The following TMX2 variants were observed in gnomAD, a reference collection of about 807,000 sequenced individuals.
The protein encoded by TMX2 is thioredoxin-related transmembrane protein 2.
A neutral mutation model predicts 33.4 loss-of-function variants in TMX2; 20 were observed. The ratio of observed to expected loss-of-function variants is 0.60; its 90% confidence interval spans 0.42 to 0.87. The LOEUF (loss-of-function observed/expected upper bound fraction) is 0.87. Among genes scored for constraint, TMX2 ranks in the 40% least tolerant of loss-of-function variants. The pLI, the probability that TMX2 is intolerant of heterozygous loss-of-function variation, is 0.00. For synonymous variants in TMX2, 166 were observed against 140.7 expected (o/e 1.18, Z -1.27); for missense variants, 340 against 370.7 (o/e 0.92, Z 0.68).
At chr11:57,720,186 G>C (rs940125524) in intron 1 of TMX2, among the ~76,000 whole-genome samples, 2 of 148,832 alleles carry the variant, frequency 1.3e-5, no homozygotes, top group Non-Finnish European at 3.0e-5. Context: ...GGGGCCTCTC[G>C]TTTTCCTTAT....
rs1461428986 is a variant in TMX2, at chr11:57,716,816, C to T, written c.189+4009C>T. On this transcript the variant is annotated intron_variant, in intron 1 of 7. Transcript: ENST00000278422. ...GCAGAGGCGCCCCTCACCTCCCGGA[C>T]GGGGCGGCTGGCCGGGCGGGGGGCT... Among the ~76,000 whole-genome samples, 9 of 146,308 alleles carry T rather than the reference C, an allele frequency of 6.2e-5. No homozygotes were observed. The South Asian group carries it at 8.7e-4, about 14-fold the overall frequency.
intron 1 of TMX2, among the ~76,000 whole-genome samples, chr11:57,716,436 G>A (rs1167214109): frequency 3.1e-5 from 4 of 131,142 alleles, no homozygotes; most frequent in Non-Finnish European, 5.0e-5. Flanking sequence ...CTGGCCGGGC[G>A]GGGGGCTGAC....
rs574523850 is a variant in TMX2 at position 57,740,414 on chromosome 11, A to C, written c.*169A>C. The C allele has an allele frequency of 1.3e-6, 1 of 764,818 alleles. No individual in the cohort carries two copies. Among genetic ancestry groups the C allele is most frequent in the South Asian group, 2.1e-5 (1 of 46,946 alleles). The allele number at this position is 764,818 out of a possible 1,614,324, so 47.4% of individuals were successfully genotyped here. A position where few individuals can be genotyped will look rare whatever the true frequency, so the allele number is the denominator to read the frequency against. On this transcript the variant is annotated 3_prime_UTR_variant, in exon 8 of 8. Coordinates refer to ENST00000278422, the MANE Select transcript of TMX2 (RefSeq NM_015959.4). ...CATCTAGGGAATTGTCAGGCACCCT[A>C]CAGGAAGGCCTGCCATGCTGTGGCC... is the stretch of plus-strand genomic sequence containing the variant.
intron 1 of TMX2, among the ~76,000 whole-genome samples, chr11:57,716,171 G>GC (rs1007074966): frequency 2.5e-4 from 38 of 151,764 alleles, no homozygotes; most frequent in African/African-American, 8.5e-4. Context: ...GGGCAGAGGC[G>GC]CCCCTCACCT....
rs563947577 is a variant in TMX2 at position 57,727,038 on chromosome 11, T to C, written c.190-10570T>C. ...TGAGTGCCCAAATCTTCACTGTCTT[T>C]ATGATATTTGTTATTATATTAGCAT... is the stretch of plus-strand genomic sequence containing the variant. On this transcript the variant is annotated intron_variant, in intron 1 of 7. Coordinates refer to ENST00000278422, the MANE Select transcript of TMX2 (RefSeq NM_015959.4). Among the ~76,000 whole-genome samples, 9 of 152,338 alleles carry C rather than the reference T, an allele frequency of 5.9e-5. No homozygotes were observed. In the East Asian group the frequency reaches 1.7e-3, roughly 29 times the overall value.
At chr11:57,735,049 G>A (rs1042016753) in intron 1 of TMX2, among the ~76,000 whole-genome samples, 41 of 151,744 alleles carry the variant, frequency 2.7e-4, no homozygotes, top group African/African-American at 9.7e-4. Context: ...AGAATCGGTT[G>A]AACCTGGGAG....
At chr11:57,712,836 G>T (rs1479035611) in intron 1 of TMX2, 29 bp downstream of exon 1, 2 of 1,612,712 alleles carry the variant, frequency 1.2e-6, no homozygotes, top group African/African-American at 2.7e-5. Context: ...AGTACCCCGC[G>T]ACCTTGACTG....
chr11:57,718,963 T>G (rs1239085225), intron 1 of TMX2, among the ~76,000 whole-genome samples: 1 of 150,306 alleles, frequency 6.7e-6, no homozygotes, highest in Non-Finnish European at 1.5e-5. Flanking sequence ...CCACAAAGGA[T>G]TTTTAAAAAG....
chr11:57,738,642 T>C (rs1463055902), intron 4 of TMX2, 22 bp from the exon 5 acceptor site: 1 of 1,607,982 alleles, frequency 6.2e-7, no homozygotes, highest in African/African-American at 1.3e-5. Flanking sequence ...TCCAGCTGAC[T>C]TTTCTTCCCT....
At chr11:57,713,903 G>A (rs1002614326) in intron 1 of TMX2, among the ~76,000 whole-genome samples, 1 of 152,208 alleles carries the variant, frequency 6.6e-6, no homozygotes, top group Non-Finnish European at 1.5e-5. Flanking sequence ...TGTGTTGACA[G>A]GCTTCCATCT....
intron 1 of TMX2, among the ~76,000 whole-genome samples, chr11:57,727,016 G>A (rs1490130705): frequency 2.0e-5 from 3 of 152,246 alleles, no homozygotes; most frequent in East Asian, 1.9e-4. Flanking sequence ...ATAACCCTGA[G>A]TGCCCAAATC....
At chr11:57,713,361 A>T (rs1286894536) in intron 1 of TMX2, among the ~76,000 whole-genome samples, 1 of 152,180 alleles carries the variant, frequency 6.6e-6, no homozygotes, top group Non-Finnish European at 1.5e-5. Flanking sequence ...TGTACACTCT[A>T]GGCACTCTGC....
At position 57,740,336 on chromosome 11, in the gene TMX2, T is replaced by C. The variant is rs1468727508; in HGVS notation, c.*91T>C. 5 of 1,427,712 alleles carry C rather than the reference T, an allele frequency of 3.5e-6. No homozygotes were observed. The Admixed American group carries it at 8.8e-5, about 25-fold the overall frequency. The allele number at this position is 1,427,712 out of a possible 1,614,324, so 88.4% of individuals were successfully genotyped here. On this transcript the variant is annotated 3_prime_UTR_variant, in exon 8 of 8. Coordinates refer to ENST00000278422, the MANE Select transcript of TMX2 (RefSeq NM_015959.4). The stretch of plus-strand genomic sequence containing the variant: ...AGGCTGCAGCCTTTTATTTATGTTT[T>C]CCCTTTGGCTGTGACTGGGTGGGGC...
chr11:57,718,049 T>C lies in TMX2; in HGVS notation c.189+5242T>C. 5.1e-6 allele frequency: 6 copies of C among 1,187,894 alleles called. 1 individual carries two copies. In the South Asian group the frequency reaches 7.3e-5, roughly 14 times the overall value. The allele number at this position is 1,187,894 out of a possible 1,614,324, so 73.6% of individuals were successfully genotyped here. A position where few individuals can be genotyped will look rare whatever the true frequency, so the allele number is the denominator to read the frequency against. ...AAACAAGTCAAACTTACTAGACTTA[T>C]CCACAGTCAGCAATGGTGATCTTCT... On this transcript the variant is annotated intron_variant, in intron 1 of 7. Transcript: ENST00000278422.
intron 1 of TMX2, among the ~76,000 whole-genome samples, chr11:57,714,011 A>G (rs920480159): frequency 1.2e-4 from 18 of 152,244 alleles, no homozygotes; most frequent in African/African-American, 4.1e-4. Flanking sequence ...CAGATAAGGT[A>G]GTTATCAGAG....
intron 1 of TMX2, among the ~76,000 whole-genome samples, chr11:57,715,586 C>CTTTTCTTTTT (rs1555014354): frequency 3.8e-5 from 5 of 130,120 alleles, no homozygotes; most frequent in African/African-American, 1.5e-4. Context: ...AATTTGTTTT[C>CTTTTCTTTTT]TTTTTTTTTT....
At chr11:57,725,190 G>A (rs577072832) in intron 1 of TMX2, among the ~76,000 whole-genome samples, 6 of 152,166 alleles carry the variant, frequency 3.9e-5, no homozygotes, top group Admixed American at 3.3e-4. Flanking sequence ...AGCATTTATC[G>A]GGGCTGATGG....
intron 1 of TMX2, among the ~76,000 whole-genome samples, chr11:57,721,072 C>T (rs549217032): frequency 8.7e-4 from 129 of 148,950 alleles, no homozygotes; most frequent in Middle Eastern, 6.9e-3. Flanking sequence ...GAGGCCAAGG[C>T]GTGTGGATTG....
chr11:57,738,135 T>C (rs904591861), intron 3 of TMX2, 109 bp downstream of exon 3: 1 of 880,198 alleles, frequency 1.1e-6, no homozygotes, highest in African/African-American at 1.7e-5. Context: ...TGTTTCTCCA[T>C]ACCCTTCTTC....
Sources: gnomAD v4.1 joint callset for allele counts (sites outside exome capture counted in the v4.1 genomes callset) on GRCh38, gnomAD v4.1.1 for gene constraint, MANE v1.5 for transcripts, NCBI Gene and HGNC (gene_info 2026-07-23, HGNC 2026-07-21) for gene names.